The following HEPHL1 variants were observed in gnomAD, a reference collection of about 807,000 sequenced individuals.
HEPHL1 encodes the protein ferroxidase HEPHL1.
HEPHL1 carries 123 observed loss-of-function variants against 122.0 expected under a neutral mutation model. The observed-to-expected ratio is 1.01, with a 90% CI of 0.87 to 1.17. The LOEUF (loss-of-function observed/expected upper bound fraction) is 1.17, where lower values mean the gene tolerates loss of function less well. Ranked by LOEUF, HEPHL1 falls within the 50% of genes most tolerant of loss-of-function variation. The pLI, the probability that HEPHL1 is intolerant of heterozygous loss-of-function variation, is 0.00. For missense variants in HEPHL1, 1,452 were observed against 1,430.5 expected, an observed-to-expected ratio of 1.01 and a Z score of -0.24; for synonymous variants, 527 against 508.9, an observed-to-expected ratio of 1.04 and a Z score of -0.48.
chr11:94,042,875 T>TAAAAAAAAAAAAAAAAAAAAAAAAAA (rs58966846), intron 1 of HEPHL1, among the ~76,000 whole-genome samples: 4 of 63,178 alleles, frequency 6.3e-5, no homozygotes, highest in East Asian at 6.0e-4. Context: ...TAAAGTATAA[T>TAAAAAAAAAAAAAAAAAAAAAAAAAA]AAAAAAAAAA....
chr11:94,037,852 G>A (rs1202379977), intron 1 of HEPHL1, among the ~76,000 whole-genome samples: 28 of 151,992 alleles, frequency 1.8e-4, no homozygotes, highest in South Asian at 4.2e-4. Flanking sequence ...CACCAGCAAC[G>A]GAACAAAGCT....
Position 94,073,033 on chromosome 11 carries a change from ATC to A in HEPHL1, c.1245_1246del (p.Tyr416LeufsTer19), listed in dbSNP as rs1316673115. The stretch of plus-strand genomic sequence containing the variant: ...TTCCTATGTCTTTTCAGTGACTCTG[ATC>A]TCTACTTCACACAAGGGGACAACAG... On this transcript the variant is annotated frameshift_variant, in exon 7 of 20. Transcript: ENST00000315765. LOFTEE classifies it high-confidence loss of function. 6.2e-7 allele frequency: 1 copy of A among 1,612,578 alleles called. No homozygotes were observed.
chr11:94,032,760 T>C (rs1591461162), intron 1 of HEPHL1, among the ~76,000 whole-genome samples: 1 of 152,092 alleles, frequency 6.6e-6, no homozygotes, highest in Admixed American at 6.6e-5. Context: ...AGTCTCCCTA[T>C]AGATAGAAAA....
At chr11:94,060,739 G>A (rs1945980440) in intron 2 of HEPHL1, among the ~76,000 whole-genome samples, 1 of 152,212 alleles carries the variant, frequency 6.6e-6, no homozygotes, top group Non-Finnish European at 1.5e-5. Flanking sequence ...GATTGCCTGA[G>A]CCAGACCATG....
At chr11:94,035,236 C>T (rs1945710766) in intron 1 of HEPHL1, among the ~76,000 whole-genome samples, 1 of 152,226 alleles carries the variant, frequency 6.6e-6, no homozygotes, top group Admixed American at 6.5e-5. Flanking sequence ...TCCCATAACA[C>T]GTTCTTTTCC....
chr11:94,021,540 T>G lies in HEPHL1; in HGVS notation c.170+2T>G. Reference sequence around the variant, plus strand: ...TGGGAAAAGTTTCACAGAAGACAAGTGAGTGAACTTAGGGTCCTCATTGAC... The same window carrying G: ...TGGGAAAAGTTTCACAGAAGACAAGGGAGTGAACTTAGGGTCCTCATTGAC... On this transcript the variant is annotated splice_donor_variant, in intron 1 of 19. Coordinates refer to ENST00000315765, the MANE Select transcript of HEPHL1 (RefSeq NM_001098672.2). LOFTEE classifies it high-confidence loss of function. 1 of 1,601,624 alleles carries G rather than the reference T, an allele frequency of 6.2e-7. No homozygotes were observed. Among genetic ancestry groups the G allele is most frequent in the Non-Finnish European group, 8.5e-7 (1 of 1,173,142 alleles).
intron 12 of HEPHL1, among the ~76,000 whole-genome samples, chr11:94,090,874 C>T (rs770990549): frequency 1.2e-4 from 18 of 152,208 alleles, no homozygotes; most frequent in Admixed American, 4.6e-4. Flanking sequence ...CACCTTGGGA[C>T]CTAGAAGTCT....
rs1946467932 is a variant in HEPHL1 at position 94,113,467 on chromosome 11, A to T, written c.*1573A>T. 6.6e-6 allele frequency: 1 copy of T among 152,346 alleles called. No homozygotes were observed. Among genetic ancestry groups the T allele is most frequent in the South Asian group, 2.1e-4 (1 of 4,830 alleles). 9.4% of individuals were successfully genotyped at this position (152,346 alleles called of 1,614,324 possible). The stretch of plus-strand genomic sequence containing the variant: ...GATGCAAATGCTAATAGTTCTGTTC[A>T]TAGTTTGCTTGAATGTCATATCAAA... On this transcript the variant is annotated 3_prime_UTR_variant, in exon 20 of 20. Coordinates refer to ENST00000315765, the MANE Select transcript of HEPHL1 (RefSeq NM_001098672.2).
chr11:94,049,276 T>C lies in HEPHL1; in HGVS notation c.415+3359T>C, dbSNP rs1187712787. 7.3e-5 allele frequency among the ~76,000 whole-genome samples: 11 copies of C among 151,670 alleles called. No individual in the cohort carries two copies. The South Asian group carries it at 2.3e-3, about 32-fold the overall frequency. On this transcript the variant is annotated intron_variant, in intron 2 of 19. Transcript: ENST00000315765. Reference sequence around the variant, plus strand: ...TCAGAACTACAATGAGATCTCATCTTACCCCAGCTAAAATGGCTATTATCA... The same window carrying C: ...TCAGAACTACAATGAGATCTCATCTCACCCCAGCTAAAATGGCTATTATCA...
Position 94,030,433 on chromosome 11 carries a change from G to A in HEPHL1, c.170+8895G>A, listed in dbSNP as rs559149211. 4.4e-4 allele frequency among the ~76,000 whole-genome samples: 67 copies of A among 152,334 alleles called. 1 individual carries two copies. The highest frequency in any genetic ancestry group is 1.6e-3 in the African/African-American group (65 of 41,578). ...ATTATTATTGCTTACATAAAAGAGA[G>A]CCAGAGGTTGGCAATCATCTGGGTC... On this transcript the variant is annotated intron_variant, in intron 1 of 19. Coordinates refer to ENST00000315765, the MANE Select transcript of HEPHL1 (RefSeq NM_001098672.2).
chr11:94,064,370 A>T lies in HEPHL1; in HGVS notation c.668A>T (p.Asp223Val). The change falls in exon 4 of 20, where the codon GAT (aspartate) becomes GTT (valine). Residue 223 changes from aspartate (D) to valine (V), a missense_variant. Asp to Val is a radical substitution (Grantham distance 152). Coordinates refer to ENST00000315765, the MANE Select transcript of HEPHL1 (RefSeq NM_001098672.2). ...NRYSGTRNDV[D>V]REFVIMFTLV... ...TATTCAGGGACACGGAATGATGTGGATCGAGAGTTTGTTATAATGTTTACT... is the reference window on the plus strand; with the variant it reads ...TATTCAGGGACACGGAATGATGTGGTTCGAGAGTTTGTTATAATGTTTACT... The T allele has an allele frequency of 6.2e-7, 1 of 1,613,316 alleles. No individual in the cohort carries two copies. The highest frequency in any genetic ancestry group is 8.5e-7 in the Non-Finnish European group (1 of 1,179,406).
chr11:94,047,464 G>A (rs866922692), intron 2 of HEPHL1, among the ~76,000 whole-genome samples: 1 of 152,074 alleles, frequency 6.6e-6, no homozygotes, highest in African/African-American at 2.4e-5. Context: ...GCGATATTTG[G>A]TTTTCTCTTC....
At chr11:94,097,545 G>T (rs1416844328) in intron 13 of HEPHL1, among the ~76,000 whole-genome samples, 1 of 152,146 alleles carries the variant, frequency 6.6e-6, no homozygotes, top group Non-Finnish European at 1.5e-5. Context: ...GCTTGGTGCA[G>T]AGCTGAGTTC....
rs148794838 is a variant in HEPHL1, at chr11:94,088,916, C to G, written c.2242C>G (p.Pro748Ala). ...TGAAGAAGTAGAATGGGATTATGCC[C>G]CTAACAAAAACTGGGAGTTCGAAAA... ...AAEEVEWDYA[P>A]NKNWEFEKQH... The change falls in exon 12 of 20, where the codon CCT (proline) becomes GCT (alanine). Residue 748 changes from proline (P) to alanine (A), a missense_variant. Physicochemically the swap from Pro to Ala is conservative, Grantham distance 27 (BLOSUM62 -1). Coordinates refer to ENST00000315765, the MANE Select transcript of HEPHL1 (RefSeq NM_001098672.2). 144 of 1,613,908 alleles carry G rather than the reference C, an allele frequency of 8.9e-5. No individual in the cohort carries two copies. The African/African-American group carries it at 1.6e-3, about 18-fold the overall frequency.
Position 94,082,460 on chromosome 11 carries a change from G to C in HEPHL1, c.1759G>C (p.Asp587His). ...KEFYLLFTVF[D>H]ENLSRYFDEN... ...GTTTTACCTACTGTTCACAGTCTTT[G>C]ATGAGAATCTGAGCAGATATTTTGA... The change falls in exon 10 of 20, where the codon GAT becomes CAT. Residue 587 changes from aspartate (D) to histidine (H), a missense_variant. Physicochemically the swap from Asp to His is moderately conservative, Grantham distance 81. Transcript: ENST00000315765. The C allele has an allele frequency of 1.2e-6, 2 of 1,612,522 alleles. No individual in the cohort carries two copies.
chr11:94,052,728 T>C lies in HEPHL1; in HGVS notation c.415+6811T>C, dbSNP rs151024422. 2.0e-3 allele frequency among the ~76,000 whole-genome samples: 306 copies of C among 152,254 alleles called. 1 individual carries two copies. The highest frequency in any genetic ancestry group is 7.0e-3 in the South Asian group (34 of 4,834). On this transcript the variant is annotated intron_variant, in intron 2 of 19. Transcript: ENST00000315765. ...CAATACTTTTCTGTATCCATTGAGA[T>C]GGTCATGTGGCTTTTCTATATCTAT...
rs1946445505 is a variant in HEPHL1, at chr11:94,111,117, C to T, written c.3208+52C>T. 2.0e-6 allele frequency: 3 copies of T among 1,470,826 alleles called. No individual in the cohort carries two copies. The South Asian group carries it at 3.9e-5, about 19-fold the overall frequency. The allele number at this position is 1,470,826 out of a possible 1,614,324, so 91.1% of individuals were successfully genotyped here. ...ATGATGGCACCGAGCTTCCTGTAGA[C>T]CCCCAAAACAGGAGGCATGACAAAA... On this transcript the variant is annotated intron_variant, in intron 18 of 19. Coordinates refer to ENST00000315765, the MANE Select transcript of HEPHL1 (RefSeq NM_001098672.2).
At chr11:94,075,521 TG>T in intron 9 of HEPHL1, 136 bp downstream of exon 9, 1 of 640,768 alleles carries the variant, frequency 1.6e-6, no homozygotes, top group South Asian at 2.1e-5. Flanking sequence ...TTCTACATAA[TG>T]GAGATTTTAT....
chr11:94,022,226 T>G (rs1945588061), intron 1 of HEPHL1, among the ~76,000 whole-genome samples: 1 of 152,216 alleles, frequency 6.6e-6, no homozygotes, highest in South Asian at 2.1e-4. Context: ...CCCTGCCCCC[T>G]CCAGGGCCTA....
Sources: allele counts gnomAD v4.1 joint callset (sites outside exome capture counted in the v4.1 genomes callset), GRCh38; gene constraint gnomAD v4.1.1; transcripts MANE v1.5; gene names NCBI Gene and HGNC (gene_info 2026-07-23, HGNC 2026-07-21).